PCDH15: variants seen among roughly 807,000 people sequenced by gnomAD.
PCDH15 encodes the protein protocadherin related 15, also known as protocadherin-15.
PCDH15 carries 129 observed loss-of-function variants against 178.5 expected under a neutral mutation model. That is an observed-to-expected ratio of 0.72 (90% CI 0.63 to 0.84). The LOEUF (loss-of-function observed/expected upper bound fraction) is 0.84, where lower values mean the gene tolerates loss of function less well. Among genes scored for constraint, PCDH15 ranks in the 40% least tolerant of loss-of-function variants. The pLI, the probability that PCDH15 is intolerant of heterozygous loss-of-function variation, is 0.00. For synonymous variants in PCDH15, 800 were observed against 732.0 expected, an observed-to-expected ratio of 1.09 and a Z score of -1.50; for missense variants, 2,230 against 2,099.9, an observed-to-expected ratio of 1.06 and a Z score of -1.21.
chr10:54,069,587 A>G (rs12255468), intron 17 of PCDH15, among the ~76,000 whole-genome samples: 1 of 152,130 alleles, frequency 6.6e-6, no homozygotes, highest in Non-Finnish European at 1.5e-5. Flanking sequence ...TTTTAATACC[A>G]CTTGCTTCAG....
intron 3 of PCDH15, among the ~76,000 whole-genome samples, chr10:54,411,866 C>A (rs1345117802): frequency 6.6e-6 from 1 of 152,120 alleles, no homozygotes; most frequent in Non-Finnish European, 1.5e-5. Context: ...ATCAGCATAT[C>A]CTCATTACTT....
At chr10:55,471,187 G>T (rs1024899332) in intron 2 of PCDH15, among the ~76,000 whole-genome samples, 3 of 152,022 alleles carry the variant, frequency 2.0e-5, no homozygotes, top group Admixed American at 6.6e-5. Flanking sequence ...AGCTCATACT[G>T]TTACTCTTTT....
chr10:55,547,009 G>GA (rs890179136), intron 2 of PCDH15, among the ~76,000 whole-genome samples: 149 of 149,270 alleles, frequency 1.0e-3, no homozygotes, highest in Middle Eastern at 3.4e-3. Context: ...GTTCTGAAAA[G>GA]AAAAAAAAAA....
chr10:53,909,675 C>T (rs920161628), intron 25 of PCDH15, among the ~76,000 whole-genome samples: 1 of 152,156 alleles, frequency 6.6e-6, no homozygotes, highest in Non-Finnish European at 1.5e-5. Flanking sequence ...GTGCAGCCCA[C>T]AGAGGGCAAG....
intron 2 of PCDH15, among the ~76,000 whole-genome samples, chr10:55,365,152 C>T (rs1204372596): frequency 1.3e-5 from 2 of 152,066 alleles, no homozygotes; most frequent in South Asian, 2.1e-4. Flanking sequence ...TGTCAGACTT[C>T]CTCAATTCTT....
At chr10:54,444,893 T>C (rs2076048869) in intron 3 of PCDH15, among the ~76,000 whole-genome samples, 1 of 151,598 alleles carries the variant, frequency 6.6e-6, no homozygotes, top group South Asian at 2.1e-4. Flanking sequence ...TTTAACTACA[T>C]GTGAGGAAAG....
At chr10:55,297,893 G>T (rs1378615569) in intron 1 of PCDH15, among the ~76,000 whole-genome samples, 3 of 151,964 alleles carry the variant, frequency 2.0e-5, no homozygotes, top group Non-Finnish European at 2.9e-5. Context: ...ATAGATATTT[G>T]CTCTCCAAGC....
chr10:54,553,715 T>C (rs570368388), intron 2 of PCDH15, among the ~76,000 whole-genome samples: 59 of 152,284 alleles, frequency 3.9e-4, no homozygotes, highest in African/African-American at 1.4e-3. Flanking sequence ...TTCTTATTCT[T>C]ATCCTGTTCA....
intron 2 of PCDH15, among the ~76,000 whole-genome samples, chr10:54,968,149 C>A (rs749506234): frequency 1.3e-5 from 2 of 152,094 alleles, no homozygotes; most frequent in African/African-American, 2.4e-5. Context: ...TAATGGTAGA[C>A]GTATATATGT....
intron 14 of PCDH15, among the ~76,000 whole-genome samples, chr10:54,140,936 C>T (rs148030552): frequency 0.02 from 3,064 of 152,220 alleles, 47 homozygotes; most frequent in Middle Eastern, 0.048. Flanking sequence ...CTCTCCTCTG[C>T]CTCCCCAACT....
At chr10:54,116,675 A>G (rs1344914314) in intron 15 of PCDH15, among the ~76,000 whole-genome samples, 1 of 152,214 alleles carries the variant, frequency 6.6e-6, no homozygotes, top group East Asian at 1.9e-4. Context: ...GGCCTTGCCA[A>G]TTACATTTCC....
chr10:54,688,849 A>C (rs1816072741), intron 1 of PCDH15, among the ~76,000 whole-genome samples: 2 of 152,138 alleles, frequency 1.3e-5, no homozygotes, highest in African/African-American at 4.8e-5. Context: ...CTCTCCATAG[A>C]ATAAAGAACC....
chr10:54,731,529 A>C (rs1943333590), intron 1 of PCDH15, among the ~76,000 whole-genome samples: 1 of 51,054 alleles, frequency 2.0e-5, no homozygotes, highest in African/African-American at 6.5e-5. Flanking sequence ...TCAATGAATA[A>C]AGAAAATGTG....
At chr10:54,283,859 A>G (rs370895250) in intron 8 of PCDH15, among the ~76,000 whole-genome samples, 1 of 152,052 alleles carries the variant, frequency 6.6e-6, no homozygotes, top group African/African-American at 2.4e-5. Flanking sequence ...TTATTTATTT[A>G]TTTTTTAGAG....
In PCDH15 at chr10:54,136,398, A is replaced by ATT. The variant is rs34653991; in HGVS notation, c.1785-3393_1785-3392dup. Reference sequence around the variant, plus strand: ...CCAAGAGACTTCCTCACTGTTTAACATTTTTTTTTTTTTGACCTGGAACAT... The same window carrying ATT: ...CCAAGAGACTTCCTCACTGTTTAACATTTTTTTTTTTTTTTGACCTGGAACAT... On this transcript the variant is annotated intron_variant, in intron 14 of 37. Coordinates refer to ENST00000644397, the MANE Select transcript of PCDH15 (RefSeq NM_001384140.1). Among the ~76,000 whole-genome samples the ATT allele has an allele frequency of 3.6e-3, 531 of 145,760 alleles. 2 individuals carry two copies. The highest frequency in any genetic ancestry group is 0.017 in the East Asian group (83 of 4,990).
chr10:54,736,484 T>A (rs1944139795), intron 1 of PCDH15, among the ~76,000 whole-genome samples: 1 of 151,586 alleles, frequency 6.6e-6, no homozygotes, highest in African/African-American at 2.4e-5. Flanking sequence ...ATCACCAGCA[T>A]TACACATGTT....
At chr10:55,448,901 A>G (rs1839373758) in intron 2 of PCDH15, among the ~76,000 whole-genome samples, 1 of 152,084 alleles carries the variant, frequency 6.6e-6, no homozygotes, top group Admixed American at 6.6e-5. Flanking sequence ...AATAAGTAAG[A>G]AAGAATTAAT....
intron 15 of PCDH15, among the ~76,000 whole-genome samples, chr10:54,091,039 T>C (rs2094592594): frequency 6.6e-6 from 1 of 152,220 alleles, no homozygotes; most frequent in Non-Finnish European, 1.5e-5. Context: ...ATAGTTTGAC[T>C]TTGAGTTCCG....
At chr10:54,381,404 C>T (rs1296216334) in intron 3 of PCDH15, among the ~76,000 whole-genome samples, 2 of 152,050 alleles carry the variant, frequency 1.3e-5, no homozygotes, top group Non-Finnish European at 2.9e-5. Context: ...CAGCTAAACA[C>T]CAGAATACTC....
Sources: gnomAD v4.1 joint callset for allele counts (sites outside exome capture counted in the v4.1 genomes callset) on GRCh38, gnomAD v4.1.1 for gene constraint, MANE v1.5 for transcripts, NCBI Gene and HGNC (gene_info 2026-07-23, HGNC 2026-07-21) for gene names.